The following UBL7 variants were observed in gnomAD, a reference collection of about 807,000 sequenced individuals.
UBL7 encodes the protein ubiquitin-like protein 7.
A neutral mutation model predicts 41.7 loss-of-function variants in UBL7; 21 were observed. The observed-to-expected ratio is 0.50, with a 90% CI of 0.36 to 0.73. UBL7 has a LOEUF of 0.73. Ranked by LOEUF, UBL7 falls within the 30% of genes least tolerant of loss-of-function variation. The pLI, the probability that UBL7 is intolerant of heterozygous loss-of-function variation, is 0.00. For synonymous variants in UBL7, 157 were observed against 186.9 expected (o/e 0.84, Z 1.31); for missense variants, 403 against 478.4 (o/e 0.84, Z 1.47).
Position 74,446,174 on chromosome 15 carries a change from A to G in UBL7, c.1059T>C (p.Asp353=). 2 of 1,613,988 alleles carry G rather than the reference A, an allele frequency of 1.2e-6. No homozygotes were observed. The highest frequency in any genetic ancestry group is 1.7e-6 in the Non-Finnish European group (2 of 1,179,924). Residue 353 remains aspartate, a synonymous_variant, in exon 11 of 11, where the codon GAT becomes GAC. Coordinates refer to ENST00000395081, the MANE Select transcript of UBL7 (RefSeq NM_032907.5). The surrounding 1 kb of genome is among the most constrained non-coding windows in gnomAD (Gnocchi z 4.1). ...QQLRDMGIQD[D]ELSLRALQAT... ...CCTGCAGGGCCCGCAGGCTCAGCTC[A>G]TCGTCCTGGATGCCCATGTCACGTA...
Position 74,458,887 on chromosome 15 carries a change from CTCTT to C in UBL7, c.-24_-21del, listed in dbSNP as rs748817139. ...AGACATCCTCTCTCTTTCGCGCTCTCTCTTTCTCCCTGTAAAAGAACAAAACCTC... is the reference window on the plus strand; with the variant it reads ...AGACATCCTCTCTCTTTCGCGCTCTCTCTCCCTGTAAAAGAACAAAACCTC... On this transcript the variant is annotated 5_prime_UTR_variant, in exon 2 of 11. Coordinates refer to ENST00000395081, the MANE Select transcript of UBL7 (RefSeq NM_032907.5). 1.0e-5 allele frequency: 16 copies of C among 1,605,170 alleles called. No individual in the cohort carries two copies. Among genetic ancestry groups the C allele is most frequent in the Non-Finnish European group, 1.4e-5 (16 of 1,179,858 alleles).
chr15:74,457,790 CTG>C (rs2061308949), intron 2 of UBL7, among the ~76,000 whole-genome samples: 2 of 149,884 alleles, frequency 1.3e-5, no homozygotes, highest in South Asian at 2.1e-4. Context: ...CAGAAAAACT[CTG>C]GAGTTTAACA....
chr15:74,448,670 T>A (rs1347345519), intron 9 of UBL7, 70 bp from the exon 10 acceptor site: 1 of 1,591,878 alleles, frequency 6.3e-7, no homozygotes, highest in African/African-American at 1.3e-5. Context: ...CTCGCTGTTG[T>A]CATATCACCT....
rs1015219897 is a variant in UBL7 at position 74,449,547 on chromosome 15, C to G, written c.714+79G>C. The G allele has an allele frequency of 8.1e-6, 13 of 1,607,292 alleles. No individual in the cohort carries two copies. In the Admixed American group the frequency reaches 2.2e-4, roughly 27 times the overall value. ...GTCCATCTCCCAGCCTTGGGAGTGC[C>G]AGGTCCCAGGATGCAGCTCATTCCC... On this transcript the variant is annotated intron_variant, in intron 8 of 10. Coordinates refer to ENST00000395081, the MANE Select transcript of UBL7 (RefSeq NM_032907.5).
At position 74,446,103 on chromosome 15, in the gene UBL7, C is replaced by T; in HGVS notation, c.1130G>A (p.Gly377Glu). The T allele has an allele frequency of 6.2e-7, 1 of 1,614,004 alleles. No individual in the cohort carries two copies. The highest frequency in any genetic ancestry group is 8.5e-7 in the Non-Finnish European group (1 of 1,179,950). ...IQAALELIFA[G>E]GAP ...GAAGCAGGGAGTTCATGGGGCTCCT[C>T]CAGCAAAGATGAGCTCCAGGGCTGC... Residue 377 changes from glycine to glutamate, a missense_variant, in exon 11 of 11, where the codon GGA becomes GAA. Physicochemically the swap from Gly to Glu is moderately conservative, Grantham distance 98. Coordinates refer to ENST00000395081, the MANE Select transcript of UBL7 (RefSeq NM_032907.5). The surrounding 1 kb of genome is among the most constrained non-coding windows in gnomAD (Gnocchi z 4.1).
chr15:74,456,052 G>A (rs1332841464), intron 3 of UBL7, among the ~76,000 whole-genome samples: 7 of 151,886 alleles, frequency 4.6e-5, no homozygotes, highest in Admixed American at 2.0e-4. Flanking sequence ...GTGTGAACCC[G>A]GGAGGCGGAG....
In UBL7 at chr15:74,449,272, G is replaced by A; in HGVS notation, c.796C>T (p.Pro266Ser). The change falls in exon 9 of 11, where the codon CCC becomes TCC. Residue 266 changes from proline to serine, a missense_variant. By Grantham distance (74) the Pro-to-Ser change is moderately conservative. Transcript: ENST00000395081. ...LGYSGAAGPR[P>S]ITQSELATAL... ...GTGGCCAGCTCACTCTGGGTGATGG[G>A]CCGGGGCCCAGCAGCTCCACTGTAC... 2.5e-6 allele frequency: 4 copies of A among 1,613,144 alleles called. No individual in the cohort carries two copies. The highest frequency in any genetic ancestry group is 3.4e-6 in the Non-Finnish European group (4 of 1,179,628).
chr15:74,450,129 C>A (rs1381671308), intron 6 of UBL7, 60 bp from the exon 7 acceptor site: 1 of 1,521,846 alleles, frequency 6.6e-7, no homozygotes, highest in Non-Finnish European at 8.9e-7. Flanking sequence ...TCAGCCATAA[C>A]AGGAGTTCTG....
intron 8 of UBL7, 107 bp from the exon 9 acceptor site, chr15:74,449,460 G>T (rs2061220013): frequency 1.3e-6 from 2 of 1,533,250 alleles, no homozygotes; most frequent in Non-Finnish European, 1.8e-6. Context: ...AAGTTCCCAG[G>T]TTCAGAAAGG....
chr15:74,456,749 G>C, intron 2 of UBL7, 78 bp from the exon 3 acceptor site: 1 of 1,469,918 alleles, frequency 6.8e-7, no homozygotes, highest in Middle Eastern at 1.8e-4. Context: ...ACCTTATTTT[G>C]ATTAGATAGC....
Position 74,450,846 on chromosome 15 carries a change from G to A in UBL7, c.486C>T (p.Asp162=). The stretch of plus-strand genomic sequence containing the variant: ...CAGCGAAGACAGAGAAGAGGTCCTT[G>A]TCCTGGAGAACCCCTGAAAAAGAGC... ...SDPIALGVLQ[D]KDLFSVFADP... is the part of the protein sequence containing the mutation. Residue 162 remains aspartate, a synonymous_variant, in exon 6 of 11, where the codon GAC becomes GAT. Transcript: ENST00000395081. The A allele has an allele frequency of 6.2e-7, 1 of 1,613,588 alleles. No individual in the cohort carries two copies. Among genetic ancestry groups the A allele is most frequent in the Non-Finnish European group, 8.5e-7 (1 of 1,179,688 alleles).
rs535365352 is a variant in UBL7 at position 74,446,632 on chromosome 15, T to G, written c.1006-405A>C. On this transcript the variant is annotated intron_variant, in intron 10 of 10. Coordinates refer to ENST00000395081, the MANE Select transcript of UBL7 (RefSeq NM_032907.5). This position sits in a 1 kb window ranked among gnomAD's most constrained non-coding sequence, Gnocchi z 4.1. ...ACTTTGCTTCGGTTTTTTGTTTGGTTTGGTTTGCCACGCAGAAATTTTCAC... is the reference window on the plus strand; with the variant it reads ...ACTTTGCTTCGGTTTTTTGTTTGGTGTGGTTTGCCACGCAGAAATTTTCAC... Among the ~76,000 whole-genome samples, 4 of 152,378 alleles carry G rather than the reference T, an allele frequency of 2.6e-5. No homozygotes were observed. The highest frequency in any genetic ancestry group is 9.6e-5 in the African/African-American group (4 of 41,596).
intron 1 of UBL7, among the ~76,000 whole-genome samples, chr15:74,459,301 A>ATT (rs61137560): frequency 4.6e-5 from 6 of 130,864 alleles, no homozygotes; most frequent in Admixed American, 7.6e-5. Flanking sequence ...AACACCCATC[A>ATT]TTTTTTTTTT....
chr15:74,458,909 A>G lies in UBL7; in HGVS notation c.-29-13T>C. ...TCTCTCTTTCTCCCTGTAAAAGAAC[A>G]AAACCTCAGTGGTTAAAAGACAGAC... On this transcript the variant is annotated splice_polypyrimidine_tract_variant and intron_variant, in intron 1 of 10. Coordinates refer to ENST00000395081, the MANE Select transcript of UBL7 (RefSeq NM_032907.5). 2.5e-6 allele frequency: 4 copies of G among 1,600,984 alleles called. No homozygotes were observed. The highest frequency in any genetic ancestry group is 3.4e-6 in the Non-Finnish European group (4 of 1,178,918).
At position 74,451,478 on chromosome 15, in the gene UBL7, T is replaced by C. The variant is rs757115703; in HGVS notation, c.430A>G (p.Ile144Val). The change falls in exon 5 of 11, where the codon ATT (isoleucine) becomes GTT (valine). Residue 144 changes from isoleucine (I) to valine (V), a missense_variant. Transcript: ENST00000395081. ...CTGCTGAGGCCTGGGGTGGCCACAA[T>C]GATCTGATCCAGAGACTCCTTATTG... ...LSNKESLDQI[I>V]VATPGLSSDP... The C allele has an allele frequency of 6.2e-7, 1 of 1,614,120 alleles. No individual in the cohort carries two copies. The highest frequency in any genetic ancestry group is 8.5e-7 in the Non-Finnish European group (1 of 1,180,034).
At chr15:74,460,655 C>T in intron 1 of UBL7, 1 of 1,274,898 alleles carries the variant, frequency 7.8e-7, no homozygotes, top group Non-Finnish European at 1.0e-6. Context: ...TTTCTTCATC[C>T]TTGTCCCCAT....
chr15:74,446,291 T>G lies in UBL7; in HGVS notation c.1006-64A>C. The G allele has an allele frequency of 6.3e-7, 1 of 1,586,208 alleles. No individual in the cohort carries two copies. The highest frequency in any genetic ancestry group is 1.1e-5 in the South Asian group (1 of 88,130). ...GATCCAGTGAAGACTCACTTAGGTC[T>G]GTGCTTTCCGGGGAAGGAAAGGAAG... On this transcript the variant is annotated intron_variant, in intron 10 of 10. Transcript: ENST00000395081. The surrounding 1 kb of genome is among the most constrained non-coding windows in gnomAD (Gnocchi z 4.1).
intron 3 of UBL7, 91 bp from the exon 4 acceptor site, chr15:74,452,469 C>T: frequency 7.6e-7 from 1 of 1,319,264 alleles, no homozygotes. Context: ...TGCCAAGGAG[C>T]AGCCTGGTCT....
intron 10 of UBL7, among the ~76,000 whole-genome samples, chr15:74,447,205 C>T (rs2061192085): frequency 6.6e-6 from 1 of 152,200 alleles, no homozygotes; most frequent in Non-Finnish European, 1.5e-5. Context: ...CAGTGAAAAC[C>T]ACACAGGCTT....
Sources: allele counts gnomAD v4.1 joint callset (sites outside exome capture counted in the v4.1 genomes callset), GRCh38; gene constraint gnomAD v4.1.1; non-coding constraint Gnocchi (gnomAD v3.1); transcripts MANE v1.5; gene names NCBI Gene and HGNC (gene_info 2026-07-23, HGNC 2026-07-21).